The following CTNNA2 variants were observed in gnomAD, a reference collection of about 807,000 sequenced individuals.
The protein encoded by CTNNA2 is catenin alpha-2.
In CTNNA2, 42 loss-of-function variants were observed where a neutral mutation model predicts 101.0. That is an observed-to-expected ratio of 0.42 (90% CI 0.32 to 0.54). The LOEUF (loss-of-function observed/expected upper bound fraction) is 0.54, where lower values mean the gene tolerates loss of function less well. Among genes scored for constraint, CTNNA2 ranks in the 20% least tolerant of loss-of-function variants. CTNNA2 has a pLI of 0.14. For missense variants in CTNNA2, 871 were observed against 1,223.1 expected (o/e 0.71, Z 4.29); for synonymous variants, 450 against 456.4 (o/e 0.99, Z 0.18).
intron 7 of CTNNA2, among the ~76,000 whole-genome samples, chr2:80,090,144 CTCTGTG>C (rs1437551537): frequency 3.0e-4 from 26 of 86,662 alleles, no homozygotes; most frequent in South Asian, 8.8e-4. Context: ...CTCTCTCTCT[CTCTGTG>C]TGTGTGTGTG....
chr2:79,264,414 T>G (rs1342580872), intron 2 of CTNNA2, among the ~76,000 whole-genome samples: 4 of 97,938 alleles, frequency 4.1e-5, no homozygotes, highest in Admixed American at 2.7e-4. Context: ...AGGACATGGC[T>G]AATTTTTTTA....
chr2:79,518,765 G>A (rs558420986), intron 1 of CTNNA2, among the ~76,000 whole-genome samples: 1 of 152,294 alleles, frequency 6.6e-6, no homozygotes, highest in Non-Finnish European at 1.5e-5. Context: ...ACTTTATAAA[G>A]AGCTAATTGT....
At chr2:80,529,125 A>G (rs1052581237) in intron 9 of CTNNA2, among the ~76,000 whole-genome samples, 5 of 152,192 alleles carry the variant, frequency 3.3e-5, no homozygotes, top group African/African-American at 1.2e-4. Flanking sequence ...GACAAACACC[A>G]GAGTAGTTTT....
At chr2:80,226,980 G>A (rs1174694728) in intron 7 of CTNNA2, among the ~76,000 whole-genome samples, 1 of 152,092 alleles carries the variant, frequency 6.6e-6, no homozygotes, top group Admixed American at 6.6e-5. Context: ...ATGTTATCAT[G>A]GATGCTAAAC....
chr2:80,292,150 T>C (rs915566185), intron 7 of CTNNA2, among the ~76,000 whole-genome samples: 1 of 152,194 alleles, frequency 6.6e-6, no homozygotes, highest in Non-Finnish European at 1.5e-5. Context: ...TGTGACCTTG[T>C]TTTGTTCATC....
At chr2:80,393,160 T>C in intron 7 of CTNNA2, 51 bp from the exon 8 acceptor site, 1 of 1,354,706 alleles carries the variant, frequency 7.4e-7, no homozygotes, top group Non-Finnish European at 1.0e-6. Flanking sequence ...ATTTTTAATG[T>C]CTCTAACATT....
intron 4 of CTNNA2, among the ~76,000 whole-genome samples, chr2:79,407,560 G>C (rs1678353453): frequency 6.6e-6 from 1 of 151,830 alleles, no homozygotes; most frequent in East Asian, 1.9e-4. Flanking sequence ...TAAGTTACCT[G>C]TCATGCTCTT....
At chr2:79,585,007 CTA>C (rs1676390806) in intron 1 of CTNNA2, among the ~76,000 whole-genome samples, 1 of 152,144 alleles carries the variant, frequency 6.6e-6, no homozygotes, top group African/African-American at 2.4e-5. Context: ...GCAGTTTTTC[CTA>C]TCTTTTTGAG....
intron 7 of CTNNA2, among the ~76,000 whole-genome samples, chr2:80,081,784 T>TC: frequency 1.8e-5 from 2 of 111,666 alleles, no homozygotes; most frequent in Non-Finnish European, 3.3e-5. Context: ...TGTGTCTGTG[T>TC]TTCTCTCTCT....
At chr2:79,416,231 G>T (rs972663191) in intron 4 of CTNNA2, among the ~76,000 whole-genome samples, 3 of 142,080 alleles carry the variant, frequency 2.1e-5, no homozygotes, top group Middle Eastern at 3.9e-3. Flanking sequence ...TATATCTCAT[G>T]TCTCCTTGTC....
chr2:79,293,938 A>G (rs1320536541), intron 2 of CTNNA2, among the ~76,000 whole-genome samples: 1 of 152,138 alleles, frequency 6.6e-6, no homozygotes, highest in Non-Finnish European at 1.5e-5. Flanking sequence ...CTATAAAACG[A>G]GAATAATAAT....
chr2:79,301,975 C>A (rs1190170893), intron 2 of CTNNA2, among the ~76,000 whole-genome samples: 1 of 152,006 alleles, frequency 6.6e-6, no homozygotes, highest in Non-Finnish European at 1.5e-5. Context: ...CTCCTGTAAT[C>A]CCAGCTACTC....
chr2:79,522,781 G>A (rs538837372), intron 1 of CTNNA2, among the ~76,000 whole-genome samples: 1 of 152,294 alleles, frequency 6.6e-6, no homozygotes, highest in African/African-American at 2.4e-5. Context: ...GAGTGAAGGG[G>A]AGAGGCTGGG....
chr2:79,971,351 C>T (rs1001388306), intron 7 of CTNNA2, among the ~76,000 whole-genome samples: 3 of 152,164 alleles, frequency 2.0e-5, no homozygotes, highest in South Asian at 2.1e-4. Flanking sequence ...TTCCTTATAT[C>T]GTTTATTAAT....
intron 4 of CTNNA2, among the ~76,000 whole-genome samples, chr2:79,439,015 T>G (rs1223914553): frequency 6.6e-6 from 1 of 152,138 alleles, no homozygotes; most frequent in Non-Finnish European, 1.5e-5. Context: ...GTTTGAGAGA[T>G]CCTCAAAAGG....
Position 80,339,380 on chromosome 2 carries a change from A to G in CTNNA2, c.1057-53831A>G, listed in dbSNP as rs1304471029. 2.0e-5 allele frequency among the ~76,000 whole-genome samples: 3 copies of G among 152,206 alleles called. No individual in the cohort carries two copies. In the East Asian group the frequency reaches 5.8e-4, roughly 29 times the overall value. ...GTCTATGCCAAAACTTTCAGCAGATAGAATATTTGATTTTTATTAGAGATA... is the reference window on the plus strand; with the variant it reads ...GTCTATGCCAAAACTTTCAGCAGATGGAATATTTGATTTTTATTAGAGATA... On this transcript the variant is annotated intron_variant, in intron 7 of 18. Coordinates refer to ENST00000402739, the MANE Select transcript of CTNNA2 (RefSeq NM_001282597.3).
At chr2:79,615,204 C>T (rs1186202034) in intron 1 of CTNNA2, among the ~76,000 whole-genome samples, 1 of 152,008 alleles carries the variant, frequency 6.6e-6, no homozygotes, top group Admixed American at 6.6e-5. Context: ...ATATTTTTCT[C>T]TTAATAAATT....
chr2:79,939,123 C>A (rs1020856447), intron 7 of CTNNA2, among the ~76,000 whole-genome samples: 10 of 152,132 alleles, frequency 6.6e-5, no homozygotes, highest in Non-Finnish European at 1.2e-4. Context: ...GGAGTTTTAC[C>A]AGCCTGATAG....
At chr2:79,854,940 A>C (rs560245204) in intron 3 of CTNNA2, among the ~76,000 whole-genome samples, 16 of 152,276 alleles carry the variant, frequency 1.1e-4, no homozygotes, top group African/African-American at 3.4e-4. Flanking sequence ...TATCCTGATA[A>C]ACTTGCTTAT....
Sources: allele counts gnomAD v4.1 joint callset (sites outside exome capture counted in the v4.1 genomes callset), GRCh38; gene constraint gnomAD v4.1.1; transcripts MANE v1.5; gene names NCBI Gene and HGNC (gene_info 2026-07-23, HGNC 2026-07-21).